Variants in SYNPR observed in about 807,000 individuals in gnomAD.
SYNPR encodes the protein synaptoporin.
A neutral mutation model predicts 32.9 loss-of-function variants in SYNPR; 23 were observed. That is an observed-to-expected ratio of 0.70 (90% CI 0.50 to 0.99). The LOEUF is 0.99. Among genes scored for constraint, SYNPR ranks in the 50% least tolerant of loss-of-function variants. The pLI is 0.00. For synonymous variants in SYNPR, 146 were observed against 135.9 expected (o/e 1.07, Z -0.52); for missense variants, 318 against 349.3 (o/e 0.91, Z 0.71).
chr3:63,278,781 G>A, intron 2 of SYNPR, 39 bp downstream of exon 2: 1 of 1,548,612 alleles, frequency 6.5e-7, no homozygotes, highest in Non-Finnish European at 8.7e-7. Flanking sequence ...GCGCCAGGCA[G>A]CCAGCTATCA....
chr3:63,226,866 G>C (rs1038049586), upstream of SYNPR, among the ~76,000 whole-genome samples: 3 of 152,134 alleles, frequency 2.0e-5, no homozygotes, highest in African/African-American at 4.8e-5. Context: ...GACTTGGAAT[G>C]TTACCAACAT....
intron 1 of SYNPR, among the ~76,000 whole-genome samples, chr3:63,234,101 T>C (rs112062112): frequency 0.062 from 9,461 of 152,230 alleles, 378 homozygotes; most frequent in Middle Eastern, 0.082. Context: ...AGAGGTTTAA[T>C]GGACTTCCAT....
At chr3:63,237,127 C>A (rs1171316537) in intron 1 of SYNPR, among the ~76,000 whole-genome samples, 1 of 151,944 alleles carries the variant, frequency 6.6e-6, no homozygotes, top group Non-Finnish European at 1.5e-5. Context: ...TTGTCAAATG[C>A]TTTTTCTATG....
At chr3:63,473,184 C>T (rs1353356962) in intron 2 of SYNPR, among the ~76,000 whole-genome samples, 1 of 152,152 alleles carries the variant, frequency 6.6e-6, no homozygotes, top group African/African-American at 2.4e-5. Context: ...ATAACTCAGG[C>T]CCATTTTCCT....
intron 4 of SYNPR, among the ~76,000 whole-genome samples, chr3:63,566,791 G>C (rs975478703): frequency 4.6e-5 from 7 of 152,168 alleles, no homozygotes; most frequent in Admixed American, 3.3e-4. Flanking sequence ...GTTGGTCAGA[G>C]TAAATGGGTT....
At chr3:63,396,899 T>C (rs112015887) in intron 2 of SYNPR, among the ~76,000 whole-genome samples, 2,505 of 152,126 alleles carry the variant, frequency 0.016, 82 homozygotes, top group African/African-American at 0.056. Flanking sequence ...GGTCAGGAGA[T>C]CGAGACCATG....
At chr3:63,254,535 T>A (rs1278057747) in intron 2 of SYNPR, among the ~76,000 whole-genome samples, 1 of 152,194 alleles carries the variant, frequency 6.6e-6, no homozygotes, top group Non-Finnish European at 1.5e-5. Context: ...ATGTATTTAG[T>A]GAAAATTTAT....
At chr3:63,424,169 G>C (rs903933429) in intron 2 of SYNPR, among the ~76,000 whole-genome samples, 1 of 152,144 alleles carries the variant, frequency 6.6e-6, no homozygotes, top group African/African-American at 2.4e-5. Context: ...ATGTACCCTA[G>C]TAATGTCGAA....
intron 2 of SYNPR, among the ~76,000 whole-genome samples, chr3:63,395,204 C>G (rs946495131): frequency 2.0e-5 from 3 of 152,176 alleles, no homozygotes; most frequent in Non-Finnish European, 2.9e-5. Flanking sequence ...CTATTCTTCT[C>G]TGCCTAAACC....
chr3:63,565,796 A>G (rs1702773382), intron 4 of SYNPR, among the ~76,000 whole-genome samples: 1 of 152,024 alleles, frequency 6.6e-6, no homozygotes, highest in South Asian at 2.1e-4. Flanking sequence ...ACGTTGCTTC[A>G]TTTTTCTCTG....
At chr3:63,267,213 T>A (rs2086497513) in intron 2 of SYNPR, 1 of 152,152 alleles carries the variant, frequency 6.6e-6, no homozygotes, top group Non-Finnish European at 1.5e-5. Flanking sequence ...AGTTGGAAAG[T>A]CTGAGTGACT....
At chr3:63,259,030 C>T (rs139819416) in intron 2 of SYNPR, among the ~76,000 whole-genome samples, 2,002 of 152,134 alleles carry the variant, frequency 0.013, 38 homozygotes, top group African/African-American at 0.046. Context: ...CAGGAAGAAG[C>T]TGAATCTCTG....
intron 2 of SYNPR, among the ~76,000 whole-genome samples, chr3:63,455,319 C>T (rs1700460510): frequency 1.3e-5 from 2 of 152,112 alleles, no homozygotes; most frequent in Admixed American, 1.3e-4. Flanking sequence ...GTGTCCATCC[C>T]TGGACTCTAG....
intron 4 of SYNPR, among the ~76,000 whole-genome samples, chr3:63,568,295 G>C (rs549000031): frequency 1.3e-5 from 2 of 152,316 alleles, no homozygotes; most frequent in East Asian, 3.9e-4. Context: ...GCTGTATATT[G>C]AGTGTGATCC....
At chr3:63,369,870 T>A (rs899091737) in intron 2 of SYNPR, among the ~76,000 whole-genome samples, 1 of 152,232 alleles carries the variant, frequency 6.6e-6, no homozygotes, top group Non-Finnish European at 1.5e-5. Context: ...TGAGGTTGAT[T>A]TGAGTTCATG....
At chr3:63,209,825 T>C in the SYNPR span, among the ~76,000 whole-genome samples, 21 of 152,198 alleles carry the variant, frequency 1.4e-4, no homozygotes, top group African/African-American at 4.6e-4. Flanking sequence ...AAATAGCTAA[T>C]TAGGCAATTA....
At chr3:63,412,024 G>A (rs1165979204) in intron 2 of SYNPR, among the ~76,000 whole-genome samples, 1 of 152,076 alleles carries the variant, frequency 6.6e-6, no homozygotes, top group Non-Finnish European at 1.5e-5. Flanking sequence ...ACTAGATCAG[G>A]ATACAGAACT....
chr3:63,573,015 G>C (rs1381242758), intron 4 of SYNPR, among the ~76,000 whole-genome samples: 2 of 152,096 alleles, frequency 1.3e-5, no homozygotes, highest in Non-Finnish European at 2.9e-5. Flanking sequence ...TGTGTTTTAA[G>C]AGTGTTGCAA....
At chr3:63,434,862 A>G (rs1453339657) in intron 2 of SYNPR, among the ~76,000 whole-genome samples, 2 of 152,170 alleles carry the variant, frequency 1.3e-5, no homozygotes, top group Non-Finnish European at 2.9e-5. Context: ...AAAGTCATTT[A>G]TTTTCTCTTC....
Sources: gnomAD v4.1 joint callset for allele counts (sites outside exome capture counted in the v4.1 genomes callset) on GRCh38, gnomAD v4.1.1 for gene constraint, MANE v1.5 for transcripts, NCBI Gene and HGNC (gene_info 2026-07-23, HGNC 2026-07-21) for gene names.